The following TRIOBP variants were observed in gnomAD, a reference collection of about 807,000 sequenced individuals.
TRIOBP encodes TRIO and F-actin-binding protein.
In TRIOBP, 169 loss-of-function variants were observed where a neutral mutation model predicts 238.8. That is an observed-to-expected ratio of 0.71 (90% CI 0.62 to 0.80). TRIOBP has a LOEUF of 0.80. Among genes scored for constraint, TRIOBP ranks in the 30% least tolerant of loss-of-function variants. The pLI, the probability that TRIOBP is intolerant of heterozygous loss-of-function variation, is 0.00. For synonymous variants in TRIOBP, 1,150 were observed against 1,274.4 expected (o/e 0.90, Z 2.08); for missense variants, 2,838 against 3,122.6 (o/e 0.91, Z 2.17).
chr22:37,750,794 C>T, intron 11 of TRIOBP: 1 of 463,562 alleles, frequency 2.2e-6, no homozygotes. Context: ...GGAGAGGTGG[C>T]CAGGCAGGGT....
chr22:37,739,633 C>G (rs1924841718), intron 10 of TRIOBP, among the ~76,000 whole-genome samples: 1 of 152,204 alleles, frequency 6.6e-6, no homozygotes, highest in African/African-American at 2.4e-5. Context: ...CCATGCTGCC[C>G]CCGTCCCTGC....
chr22:37,743,034 C>T (rs1204254867), intron 11 of TRIOBP, among the ~76,000 whole-genome samples: 1 of 152,230 alleles, frequency 6.6e-6, no homozygotes, highest in African/African-American at 2.4e-5. Flanking sequence ...CCCCCTACAC[C>T]ACTGCCTTCA....
intron 17 of TRIOBP, among the ~76,000 whole-genome samples, chr22:37,762,022 C>T (rs1432584623): frequency 1.3e-5 from 2 of 152,142 alleles, no homozygotes; most frequent in Non-Finnish European, 2.9e-5. Flanking sequence ...GGCTGGGACC[C>T]ATTCGTACCC....
intron 5 of TRIOBP, 77 bp downstream of exon 5, chr22:37,713,488 C>T: frequency 1.3e-6 from 2 of 1,542,894 alleles, no homozygotes; most frequent in Non-Finnish European, 1.8e-6. Flanking sequence ...ACCTAAACCT[C>T]CAGGCCAGGG....
Position 37,723,775 on chromosome 22 carries a change from G to A in TRIOBP, c.1219G>A (p.Ala407Thr), listed in dbSNP as rs1923961272. 1 of 1,415,544 alleles carries A rather than the reference G, an allele frequency of 7.1e-7. No homozygotes were observed. Among genetic ancestry groups the A allele is most frequent in the Admixed American group, 1.8e-5 (1 of 56,168 alleles). The allele number at this position is 1,415,544 out of a possible 1,614,324, so 87.7% of individuals were successfully genotyped here. A position where few individuals can be genotyped will look rare whatever the true frequency, so the allele number is the denominator to read the frequency against. Residue 407 changes from alanine (A) to threonine (T), a missense_variant, in exon 7 of 24, where the codon GCC (alanine) becomes ACC (threonine). Around this residue, in one of 5 missense-constraint regions of TRIOBP, gnomAD observed 535 missense variants for 537.3 expected, o/e 1.00. Transcript: ENST00000644935. ...TQRENSRTSC[A>T]QRDNPKASRT... ...ACGAGAGAATTCCAGAACATCCTGT[G>A]CCCAGCGGGACAATCCCAAAGCCTC...
chr22:37,699,691 A>G (rs1922544889), intron 2 of TRIOBP, among the ~76,000 whole-genome samples: 1 of 149,752 alleles, frequency 6.7e-6, no homozygotes. Flanking sequence ...ACAGGTGCAT[A>G]CCACCATGCC....
intron 18 of TRIOBP, among the ~76,000 whole-genome samples, chr22:37,767,426 C>A (rs1275467702): frequency 1.3e-5 from 2 of 152,192 alleles, no homozygotes; most frequent in African/African-American, 4.8e-5. Context: ...GGTCTCAGTC[C>A]TTAGGAGCTC....
intron 7 of TRIOBP, among the ~76,000 whole-genome samples, chr22:37,732,911 A>G (rs1478530994): frequency 6.6e-6 from 1 of 152,196 alleles, no homozygotes; most frequent in Non-Finnish European, 1.5e-5. Context: ...ATAAATCTTA[A>G]TTCCCGCAAA....
At chr22:37,771,962 A>G in intron 22 of TRIOBP, 1 of 652,746 alleles carries the variant, frequency 1.5e-6, no homozygotes, top group Admixed American at 2.2e-5. Context: ...CTGTTTATTT[A>G]GCATTATTTA....
At chr22:37,750,230 G>A (rs1301811930) in intron 11 of TRIOBP, among the ~76,000 whole-genome samples, 2 of 152,222 alleles carry the variant, frequency 1.3e-5, no homozygotes, top group Non-Finnish European at 2.9e-5. Flanking sequence ...CTGACAGCTT[G>A]TCATTCCTGC....
In TRIOBP at chr22:37,713,261, C is replaced by A. The variant is rs777578419; in HGVS notation, c.306C>A (p.Pro102=). The A allele has an allele frequency of 2.5e-6, 4 of 1,613,926 alleles. 1 individual carries two copies. Among genetic ancestry groups the A allele is most frequent in the East Asian group, 4.5e-5 (2 of 44,868 alleles). ...GLPEEGPTAA[P]RSRSRELEAV... ...CAGAAGAGGGTCCCACAGCTGCCCC[C>A]AGGAGCAGGAGCCGGGAGCTTGAGG... The change falls in exon 5 of 24, where the codon CCC becomes CCA. Residue 102 remains proline (P), a synonymous_variant. Transcript: ENST00000644935.
At chr22:37,752,527 T>C (rs535952421) in intron 12 of TRIOBP, among the ~76,000 whole-genome samples, 104 of 152,310 alleles carry the variant, frequency 6.8e-4, no homozygotes, top group Middle Eastern at 3.4e-3. Flanking sequence ...TCCCCACCCC[T>C]GCCCTGCATG....
Position 37,757,799 on chromosome 22 carries a change from G to A in TRIOBP, c.5874G>A (p.Arg1958=), listed in dbSNP as rs1435154316. The A allele has an allele frequency of 6.5e-7, 1 of 1,547,918 alleles. No individual in the cohort carries two copies. The highest frequency in any genetic ancestry group is 1.2e-5 in the South Asian group (1 of 84,114). Residue 1958 remains arginine (R), a synonymous_variant, in exon 16 of 24, where the codon CGG becomes CGA. Coordinates refer to ENST00000644935, the MANE Select transcript of TRIOBP (RefSeq NM_001039141.3). ...CGCTGACCCAGGCTTCCCCGCAGCG[G>A]GCCCGCACCCCAGCCCGCACTCCTG... ...LSPLTQASPQ[R]ARTPARTPDR...
rs1341466567 is a variant in TRIOBP at position 37,735,431 on chromosome 22, C to A, written c.5095C>A (p.Pro1699Thr). ...SRSTAKGPSL[P>T]ELQFQPEEPE... ...GAGCACTGCGAAGGGCCCCAGCTTG[C>A]CAGAGCTGCAGGTAAGGAGGTTTCC... The change falls in exon 9 of 24, where the codon CCA becomes ACA. Residue 1699 changes from proline (P) to threonine (T), a missense_variant. This residue lies in a region of TRIOBP where 2,096 missense variants were observed against 2,137.4 expected (regional missense o/e 0.98). Coordinates refer to ENST00000644935, the MANE Select transcript of TRIOBP (RefSeq NM_001039141.3). 6.4e-7 allele frequency: 1 copy of A among 1,566,386 alleles called. No individual in the cohort carries two copies. Among genetic ancestry groups the A allele is most frequent in the Admixed American group, 1.9e-5 (1 of 52,414 alleles).
Position 37,771,661 on chromosome 22 carries a change from C to G in TRIOBP, c.6861C>G (p.Arg2287=). 6.2e-7 allele frequency: 1 copy of G among 1,614,048 alleles called. No individual in the cohort carries two copies. Among genetic ancestry groups the G allele is most frequent in the Non-Finnish European group, 8.5e-7 (1 of 1,179,984 alleles). The change falls in exon 22 of 24, where the codon CGC becomes CGG. Residue 2287 remains arginine, a synonymous_variant. Transcript: ENST00000644935. The stretch of plus-strand genomic sequence containing the variant: ...ACCTATATCCCCAGGTGCTGCTTCG[C>G]GTAAAAGAAAACGAACTCCAGTACC... ...RSSCELEVLL[R]VKENELQYLK... is the part of the protein sequence containing the mutation.
At chr22:37,714,060 CAG>C (rs1008845901) in intron 5 of TRIOBP, among the ~76,000 whole-genome samples, 4 of 152,300 alleles carry the variant, frequency 2.6e-5, no homozygotes, top group African/African-American at 7.2e-5. Flanking sequence ...GGTGTGGGCT[CAG>C]GGGAGACTCA....
At chr22:37,706,465 C>T (rs1172916774) in intron 3 of TRIOBP, among the ~76,000 whole-genome samples, 1 of 152,034 alleles carries the variant, frequency 6.6e-6, no homozygotes, top group African/African-American at 2.4e-5. Context: ...ACAGTGTGCC[C>T]CTCCTCCCCA....
At chr22:37,698,199 CAA>C (rs1289082507) in intron 2 of TRIOBP, among the ~76,000 whole-genome samples, 8 of 63,712 alleles carry the variant, frequency 1.3e-4, no homozygotes, top group African/African-American at 5.1e-4. Flanking sequence ...GATTCTGTCT[CAA>C]AAAAAAAAAA....
At position 37,701,422 on chromosome 22, in the gene TRIOBP, C is replaced by A; in HGVS notation, c.57C>A (p.Thr19=). 1 of 1,613,858 alleles carries A rather than the reference C, an allele frequency of 6.2e-7. No homozygotes were observed. The highest frequency in any genetic ancestry group is 8.5e-7 in the Non-Finnish European group (1 of 1,179,946). ...AACACTTTGAGGCCAACATACTTAC[C>A]CAGAACCGCTGTCAAAACTGCTTCC... ...LCEHFEANIL[T]QNRCQNCFHP... Residue 19 remains threonine, a synonymous_variant, in exon 3 of 24, where the codon ACC becomes ACA. Transcript: ENST00000644935.
Sources: gnomAD v4.1 joint callset for allele counts (sites outside exome capture counted in the v4.1 genomes callset) on GRCh38, gnomAD v4.1.1 for gene constraint, gnomAD v4.1.1 regional missense constraint, MANE v1.5 for transcripts, NCBI Gene and HGNC (gene_info 2026-07-23, HGNC 2026-07-21) for gene names.